The following TACC2 variants were observed in gnomAD, a reference collection of about 807,000 sequenced individuals.
TACC2 encodes transforming acidic coiled-coil-containing protein 2.
Under a neutral mutation model 227.3 loss-of-function variants are expected in TACC2, and 137 were observed. That is an observed-to-expected ratio of 0.60 (90% CI 0.52 to 0.69). The LOEUF (loss-of-function observed/expected upper bound fraction) is 0.69. TACC2 is among the 30% of genes least tolerant of loss of function. The pLI is 0.00. For synonymous variants in TACC2, 1,523 were observed against 1,487.5 expected (o/e 1.02, Z -0.55); for missense variants, 3,470 against 3,694.4 (o/e 0.94, Z 1.57).
chr10:122,028,902 T>C (rs1191034751), intron 2 of TACC2, among the ~76,000 whole-genome samples: 15 of 9,472 alleles, frequency 1.6e-3, no homozygotes, highest in Non-Finnish European at 2.2e-3. Context: ...CCTCCCCTCC[T>C]CTCCCCTCCC....
chr10:122,068,988 G>A (rs1044314402), intron 3 of TACC2, among the ~76,000 whole-genome samples: 4 of 135,014 alleles, frequency 3.0e-5, no homozygotes, highest in South Asian at 4.7e-4. Context: ...GTGAGGCACC[G>A]CGCGGGCCCA....
intron 3 of TACC2, among the ~76,000 whole-genome samples, chr10:122,073,843 A>T (rs1227331294): frequency 1.3e-5 from 2 of 151,962 alleles, no homozygotes; most frequent in Non-Finnish European, 1.5e-5. Context: ...GCAGTGGCGC[A>T]ATCTCGGCTT....
At chr10:122,090,056 G>C (rs2080573625) in intron 5 of TACC2, among the ~76,000 whole-genome samples, 1 of 151,912 alleles carries the variant, frequency 6.6e-6, no homozygotes, top group South Asian at 2.1e-4. Flanking sequence ...CCCCAAAAAT[G>C]ACCATATCAG....
Position 122,205,330 on chromosome 10 carries a change from C to T in TACC2, c.5972-5067C>T, listed in dbSNP as rs1211104298. On this transcript the variant is annotated intron_variant, in intron 8 of 22. Transcript: ENST00000369005. The surrounding 1 kb of genome is among the most constrained non-coding windows in gnomAD (Gnocchi z 4.5). ...AGGCAGCCATGGCACGGGCCTCCTG[C>T]TCTCTTGCTGGTCGGTTTTGGGTTT... Among the ~76,000 whole-genome samples the T allele has an allele frequency of 6.6e-6, 1 of 152,164 alleles. No individual in the cohort carries two copies.
intron 1 of TACC2, 117 bp downstream of exon 1, chr10:121,989,605 A>G (rs1025202227): frequency 1.3e-5 from 2 of 152,246 alleles, no homozygotes; most frequent in Admixed American, 6.5e-5. Flanking sequence ...ACCATCACTC[A>G]AGGTGAGAAC....
intron 12 of TACC2, among the ~76,000 whole-genome samples, chr10:122,225,022 C>G (rs185051230): frequency 2.1e-3 from 307 of 149,286 alleles, no homozygotes; most frequent in Admixed American, 3.7e-3. Flanking sequence ...AGACGTCCTG[C>G]AGAATTACTT....
At chr10:122,011,875 C>A (rs1035341108) in intron 1 of TACC2, among the ~76,000 whole-genome samples, 5 of 152,132 alleles carry the variant, frequency 3.3e-5, no homozygotes, top group African/African-American at 7.2e-5. Context: ...AGGTTTGGAT[C>A]TCAGCTCTGC....
At chr10:122,200,739 C>CACATCTACA (rs2094779340) in intron 8 of TACC2, among the ~76,000 whole-genome samples, 1 of 125,186 alleles carries the variant, frequency 8.0e-6, no homozygotes. Context: ...CCACAGTGGC[C>CACATCTACA]GTGTTCACAT....
At chr10:122,225,956 C>T (rs950176448) in intron 12 of TACC2, among the ~76,000 whole-genome samples, 1 of 152,194 alleles carries the variant, frequency 6.6e-6, no homozygotes, top group African/African-American at 2.4e-5. Flanking sequence ...CTCTCCAGGC[C>T]CTGCCCCTGC....
intron 2 of TACC2, chr10:122,023,886 T>G (rs1419359262): frequency 6.7e-6 from 1 of 149,328 alleles, no homozygotes; most frequent in Admixed American, 6.7e-5. Context: ...AAACAGGGAG[T>G]TCTTGTCCTA....
chr10:122,138,169 C>A (rs532360321), intron 6 of TACC2, among the ~76,000 whole-genome samples: 1 of 152,002 alleles, frequency 6.6e-6, no homozygotes. Flanking sequence ...GTTCAACCAC[C>A]TCACAAAGGT....
chr10:122,059,561 CT>C (rs34975198), intron 3 of TACC2, among the ~76,000 whole-genome samples: 113,481 of 151,258 alleles, frequency 0.75, 43,685 homozygotes, highest in East Asian at 0.95. Context: ...GTTCTCTCCT[CT>C]TTTTTTTTTC....
At chr10:122,245,292 T>C (rs528691546) in intron 19 of TACC2, among the ~76,000 whole-genome samples, 71 of 152,292 alleles carry the variant, frequency 4.7e-4, no homozygotes, top group African/African-American at 1.7e-3. Flanking sequence ...TAACTGCGTT[T>C]GTCATGTACA....
intron 2 of TACC2, among the ~76,000 whole-genome samples, chr10:122,030,045 C>T (rs1222465542): frequency 6.6e-6 from 1 of 152,070 alleles, no homozygotes; most frequent in African/African-American, 2.4e-5. Flanking sequence ...GTCAGTGTTG[C>T]TGCAGAGTAT....
chr10:122,018,984 G>A (rs1027430980), intron 1 of TACC2, among the ~76,000 whole-genome samples: 32 of 152,212 alleles, frequency 2.1e-4, no homozygotes, highest in African/African-American at 7.7e-4. Context: ...TGTGGCAGGG[G>A]TAAGGCGCTT....
rs1172950099 is a variant in TACC2, at chr10:122,083,994, A to C, written c.1494A>C (p.Gly498=). ...EVPAPSPQER[G]EHLNTEQSHE... ...CTGCCCCATCACCCCAGGAGAGGGG[A>C]GAGCACTTGAACACGGAGCAAAGCC... Residue 498 remains glycine, a synonymous_variant, in exon 4 of 23, where the codon GGA becomes GGC. Transcript: ENST00000369005. 1.2e-6 allele frequency: 2 copies of C among 1,613,876 alleles called. No homozygotes were observed. The highest frequency in any genetic ancestry group is 2.7e-5 in the African/African-American group (2 of 74,886).
intron 5 of TACC2, among the ~76,000 whole-genome samples, chr10:122,122,354 T>C (rs1384799240): frequency 6.6e-6 from 1 of 152,096 alleles, no homozygotes; most frequent in African/African-American, 2.4e-5. Flanking sequence ...AAACTCCGTC[T>C]CAAAAAATAA....
Position 122,237,594 on chromosome 10 carries a change from T to C in TACC2, c.8271+56T>C, listed in dbSNP as rs1470021430. The stretch of plus-strand genomic sequence containing the variant: ...TCCTGCCACTTATAAATACGTATGC[T>C]CGTGGTCCACAAAGCCAGAGTCTTT... On this transcript the variant is annotated intron_variant, in intron 17 of 22. Transcript: ENST00000369005. 1.9e-6 allele frequency: 3 copies of C among 1,572,098 alleles called. No individual in the cohort carries two copies. In the Admixed American group the frequency reaches 5.4e-5, roughly 28 times the overall value.
intron 5 of TACC2, among the ~76,000 whole-genome samples, chr10:122,128,607 CAG>C (rs1422457815): frequency 1.3e-5 from 2 of 152,168 alleles, no homozygotes; most frequent in African/African-American, 4.8e-5. Context: ...GGGGAAAAGA[CAG>C]TGGCTTTCTG....
Sources: gnomAD v4.1 joint callset for allele counts (sites outside exome capture counted in the v4.1 genomes callset) on GRCh38, gnomAD v4.1.1 for gene constraint, Gnocchi (gnomAD v3.1) non-coding constraint, MANE v1.5 for transcripts, NCBI Gene and HGNC (gene_info 2026-07-23, HGNC 2026-07-21) for gene names.